Variants in DLD observed in about 807,000 individuals in gnomAD.
DLD encodes dihydrolipoamide dehydrogenase, also known as dihydrolipoyl dehydrogenase, mitochondrial.
DLD carries 36 observed loss-of-function variants against 62.2 expected under a neutral mutation model. The ratio of observed to expected loss-of-function variants is 0.58; its 90% CI spans 0.44 to 0.76. The LOEUF (loss-of-function observed/expected upper bound fraction) is 0.76, where lower values mean the gene tolerates loss of function less well. DLD is among the 30% of genes least tolerant of loss of function. The probability of loss-of-function intolerance (pLI) is 0.00; values close to 1 mark genes in which losing one functional copy is unlikely to be tolerated. For synonymous variants in DLD, 204 were observed against 199.6 expected (o/e 1.02, Z -0.19); for missense variants, 541 against 608.6 (o/e 0.89, Z 1.17).
At chr7:107,902,296 C>T (rs2031895212) in intron 3 of DLD, 29 bp from the exon 4 acceptor site, 1 of 1,578,992 alleles carries the variant, frequency 6.3e-7, no homozygotes, top group Non-Finnish European at 8.7e-7. Flanking sequence ...AGGTTATGTG[C>T]AGTTAAATAA....
chr7:107,893,253 T>C lies in DLD; in HGVS notation c.93T>C (p.Pro31=), dbSNP rs1182818821. 1 of 1,613,408 alleles carries C rather than the reference T, an allele frequency of 6.2e-7. No individual in the cohort carries two copies. The highest frequency in any genetic ancestry group is 8.5e-7 in the Non-Finnish European group (1 of 1,179,640). ...GCCTACAGGGACTTTCTGCAGTGCC[T>C]CTGAGAACTTACGCAGATCAGCCGA... ...SHGLQGLSAV[P]LRTYADQPID... The change falls in exon 2 of 14, where the codon CCT becomes CCC. Residue 31 remains proline (P), a synonymous_variant. Coordinates refer to ENST00000205402, the MANE Select transcript of DLD (RefSeq NM_000108.5).
intron 8 of DLD, among the ~76,000 whole-genome samples, chr7:107,908,070 A>G (rs941402664): frequency 2.0e-5 from 3 of 151,502 alleles, no homozygotes; most frequent in Admixed American, 1.3e-4. Flanking sequence ...CCATTTTTAC[A>G]TCTGCTCTTT....
chr7:107,899,069 T>C (rs1356124515), intron 2 of DLD, among the ~76,000 whole-genome samples: 2 of 152,158 alleles, frequency 1.3e-5, no homozygotes, highest in African/African-American at 4.8e-5. Context: ...AATTTTACAT[T>C]GAACACCCAT....
intron 8 of DLD, among the ~76,000 whole-genome samples, chr7:107,907,484 C>T (rs899316384): frequency 1.3e-5 from 2 of 152,150 alleles, no homozygotes; most frequent in Non-Finnish European, 2.9e-5. Context: ...AAAGAGAAAT[C>T]AGATGAGAAC....
chr7:107,903,334 C>T (rs565744123), intron 4 of DLD, 144 bp from the exon 5 acceptor site: 27 of 554,608 alleles, frequency 4.9e-5, no homozygotes, highest in Admixed American at 2.7e-4. Flanking sequence ...GCTGAGATGG[C>T]GCCATTGCAC....
At chr7:107,912,522 T>C (rs1331384401) in intron 8 of DLD, among the ~76,000 whole-genome samples, 4 of 152,164 alleles carry the variant, frequency 2.6e-5, no homozygotes, top group African/African-American at 9.6e-5. Context: ...AAAGCCATTT[T>C]AACTGGGGTG....
intron 8 of DLD, among the ~76,000 whole-genome samples, chr7:107,911,643 T>A (rs10808155): frequency 0.4 from 60,981 of 151,682 alleles, 12,528 homozygotes; most frequent in Non-Finnish European, 0.45. Context: ...CATTTTTTTT[T>A]AAAAATTGAG....
At chr7:107,903,385 TGAAAA>T (rs1157931710) in intron 4 of DLD, 88 bp from the exon 5 acceptor site, 6 of 853,850 alleles carry the variant, frequency 7.0e-6, no homozygotes, top group Non-Finnish European at 1.1e-5. Context: ...TCTCAAAAAA[TGAAAA>T]GAAAGACTAT....
intron 2 of DLD, among the ~76,000 whole-genome samples, chr7:107,898,823 C>T (rs1011930613): frequency 6.6e-6 from 1 of 151,934 alleles, no homozygotes; most frequent in Non-Finnish European, 1.5e-5. Flanking sequence ...ATCCGCCTGC[C>T]TCGGCCTCCC....
At chr7:107,911,408 T>C (rs2032135946) in intron 8 of DLD, among the ~76,000 whole-genome samples, 1 of 152,188 alleles carries the variant, frequency 6.6e-6, no homozygotes, top group Non-Finnish European at 1.5e-5. Flanking sequence ...TTGGGTTGTT[T>C]CTACTTTCAG....
At position 107,905,073 on chromosome 7, in the gene DLD, T is replaced by G. The variant is rs750873275; in HGVS notation, c.438+15T>G. 6 of 1,551,802 alleles carry G rather than the reference T, an allele frequency of 3.9e-6. No homozygotes were observed. In the South Asian group the frequency reaches 5.6e-5, roughly 14 times the overall value. On this transcript the variant is annotated intron_variant, in intron 6 of 13. Transcript: ENST00000205402. ...AACAGAATAAGGTCAGTGTTTAATATTCAGATTTCTGCTTTACTTTGAATA... is the reference window on the plus strand; with the variant it reads ...AACAGAATAAGGTCAGTGTTTAATAGTCAGATTTCTGCTTTACTTTGAATA...
At chr7:107,902,282 A>G (rs1459599494) in intron 3 of DLD, 43 bp from the exon 4 acceptor site, 5 of 1,539,186 alleles carry the variant, frequency 3.2e-6, no homozygotes, top group Admixed American at 3.3e-5. Flanking sequence ...GATCTGAAAC[A>G]TTGAGGTTAT....
chr7:107,895,664 T>A (rs1189851578), intron 2 of DLD, among the ~76,000 whole-genome samples: 1 of 152,192 alleles, frequency 6.6e-6, no homozygotes, highest in East Asian at 1.9e-4. Context: ...GAGACAAACA[T>A]CCAACATATA....
intron 2 of DLD, among the ~76,000 whole-genome samples, chr7:107,898,205 A>G (rs1007688546): frequency 2.0e-5 from 3 of 148,722 alleles, no homozygotes; most frequent in African/African-American, 7.5e-5. Context: ...TTCACCTGTC[A>G]TTTGCCACTT....
intron 8 of DLD, among the ~76,000 whole-genome samples, chr7:107,912,141 G>A (rs2032159435): frequency 6.6e-6 from 1 of 151,808 alleles, no homozygotes; most frequent in African/African-American, 2.4e-5. Context: ...AGTTCCATCT[G>A]TTCTGTTGCA....
chr7:107,892,705 C>G (rs541597108), intron 1 of DLD, among the ~76,000 whole-genome samples: 62 of 152,230 alleles, frequency 4.1e-4, no homozygotes, highest in African/African-American at 1.3e-3. Context: ...ACCACTACAC[C>G]CGGCTAATTT....
chr7:107,917,188 G>T, intron 10 of DLD, 85 bp from the exon 11 acceptor site: 1 of 1,520,914 alleles, frequency 6.6e-7, no homozygotes. Context: ...CTTGTTTACT[G>T]GAAACTTTTG....
In DLD at chr7:107,891,230, A is replaced by G. The variant is rs368784194; in HGVS notation, c.-21A>G. 6.2e-7 allele frequency: 1 copy of G among 1,614,044 alleles called. No homozygotes were observed. Among genetic ancestry groups the G allele is most frequent in the South Asian group, 1.1e-5 (1 of 91,078 alleles). ...CCAGCGGAGGTGAAAGTATTGGCGG[A>G]AAGGAAAATACAGCGGAAAAATGCA... On this transcript the variant is annotated 5_prime_UTR_variant, in exon 1 of 14. Coordinates refer to ENST00000205402, the MANE Select transcript of DLD (RefSeq NM_000108.5).
intron 7 of DLD, 108 bp downstream of exon 7, chr7:107,905,612 AT>A: frequency 8.1e-7 from 1 of 1,236,686 alleles, no homozygotes; most frequent in Non-Finnish European, 1.2e-6. Flanking sequence ...CTGAAATACT[AT>A]ATTTTGATGG....
Sources: gnomAD v4.1 joint callset for allele counts (sites outside exome capture counted in the v4.1 genomes callset) on GRCh38, gnomAD v4.1.1 for gene constraint, MANE v1.5 for transcripts, NCBI Gene and HGNC (gene_info 2026-07-23, HGNC 2026-07-21) for gene names.